The following ROBO2 variants were observed in gnomAD, a reference collection of about 807,000 sequenced individuals.
The protein encoded by ROBO2 is roundabout guidance receptor 2.
A neutral mutation model predicts 160.8 loss-of-function variants in ROBO2; 53 were observed. That is an observed-to-expected ratio of 0.33 (90% CI 0.26 to 0.41). ROBO2 has a LOEUF of 0.41. Among genes scored for constraint, ROBO2 ranks in the 10% least tolerant of loss-of-function variants. The probability of loss-of-function intolerance (pLI) is 1.00; values close to 1 mark genes in which losing one functional copy is unlikely to be tolerated. For synonymous variants in ROBO2, 664 were observed against 611.7 expected (o/e 1.09, Z -1.26); for missense variants, 1,577 against 1,722.4 (o/e 0.92, Z 1.49).
intron 2 of ROBO2, among the ~76,000 whole-genome samples, chr3:76,396,258 C>G (rs1315441859): frequency 2.0e-5 from 3 of 151,974 alleles, no homozygotes; most frequent in Non-Finnish European, 4.4e-5. Context: ...AAAGGCCTCT[C>G]ACAAAATTCA....
At chr3:77,640,677 T>C (rs1251613530) in intron 24 of ROBO2, among the ~76,000 whole-genome samples, 1 of 152,202 alleles carries the variant, frequency 6.6e-6, no homozygotes, top group Non-Finnish European at 1.5e-5. Flanking sequence ...TAAGAGACTT[T>C]ATAGTGAATT....
chr3:76,405,286 G>A (rs571541188), intron 2 of ROBO2, among the ~76,000 whole-genome samples: 9 of 151,690 alleles, frequency 5.9e-5, no homozygotes, highest in Admixed American at 4.0e-4. Context: ...GTTCCAGGAA[G>A]AGTGAAAGAG....
intron 6 of ROBO2, among the ~76,000 whole-genome samples, chr3:77,544,191 T>TTC (rs2092605479): frequency 1.3e-5 from 2 of 152,028 alleles, no homozygotes; most frequent in East Asian, 3.9e-4. Context: ...TTTAAGAGTT[T>TTC]TCTCTAAAAT....
intron 2 of ROBO2, among the ~76,000 whole-genome samples, chr3:76,215,673 T>C (rs952350656): frequency 1.3e-5 from 2 of 152,090 alleles, no homozygotes; most frequent in Non-Finnish European, 2.9e-5. Flanking sequence ...AAAGACCAAA[T>C]CTATGTCTAA....
intron 2 of ROBO2, among the ~76,000 whole-genome samples, chr3:77,460,227 CAG>C (rs1181474967): frequency 2.6e-5 from 4 of 151,930 alleles, no homozygotes; most frequent in Non-Finnish European, 4.4e-5. Flanking sequence ...TCATGGGTGA[CAG>C]AAATGGAGGA....
intron 1 of ROBO2, among the ~76,000 whole-genome samples, chr3:75,930,387 A>G (rs1303631775): frequency 2.0e-5 from 3 of 152,028 alleles, no homozygotes; most frequent in East Asian, 1.9e-4. Flanking sequence ...TCCTCCTCAA[A>G]TGTCGTAGTT....
At chr3:77,603,180 A>C (rs755956538) in intron 20 of ROBO2, 110 of 419,328 alleles carry the variant, frequency 2.6e-4, no homozygotes, top group Non-Finnish European at 4.7e-4. Flanking sequence ...CTGTCAAATG[A>C]CAACAGTTTA....
intron 2 of ROBO2, among the ~76,000 whole-genome samples, chr3:76,892,923 T>C (rs1028030691): frequency 2.0e-5 from 3 of 152,154 alleles, no homozygotes; most frequent in Admixed American, 2.0e-4. Flanking sequence ...TATAAACAAC[T>C]AAGGAAAATT....
At chr3:76,168,413 A>G (rs1201326000) in intron 2 of ROBO2, among the ~76,000 whole-genome samples, 2 of 151,978 alleles carry the variant, frequency 1.3e-5, no homozygotes, top group African/African-American at 4.8e-5. Context: ...TCTTTTGTCA[A>G]TTATGCCTGA....
chr3:76,155,838 C>T lies in ROBO2; in HGVS notation c.109+218236C>T, dbSNP rs115951719. ...ACAAAGATGCATGTAAATGGTATTA[C>T]TGTCACTTAAATGTATCGCAAGGCA... On this transcript the variant is annotated intron_variant, in intron 2 of 26. Transcript: ENST00000487694. Among the ~76,000 whole-genome samples, 206 of 152,270 alleles carry T rather than the reference C, an allele frequency of 1.4e-3. 1 individual carries two copies. Among genetic ancestry groups the T allele is most frequent in the African/African-American group, 4.8e-3 (199 of 41,558 alleles).
intron 2 of ROBO2, among the ~76,000 whole-genome samples, chr3:77,200,500 A>G (rs1261146092): frequency 6.6e-6 from 1 of 151,658 alleles, no homozygotes; most frequent in Admixed American, 6.6e-5. Context: ...CATCAGTCAT[A>G]CAAAAGTTTT....
intron 2 of ROBO2, among the ~76,000 whole-genome samples, chr3:76,654,902 CAT>C (rs1055640797): frequency 7.4e-5 from 9 of 120,912 alleles, no homozygotes; most frequent in Admixed American, 6.8e-4. Flanking sequence ...CATGTGTGTA[CAT>C]ATGTGTGTGT....
At chr3:76,447,909 G>A (rs935076015) in intron 2 of ROBO2, among the ~76,000 whole-genome samples, 4 of 113,250 alleles carry the variant, frequency 3.5e-5, no homozygotes, top group Non-Finnish European at 6.9e-5. Context: ...GGGGGAGGGG[G>A]GAGGGATAGC....
chr3:76,031,178 G>A (rs921767408), intron 2 of ROBO2, among the ~76,000 whole-genome samples: 8 of 151,970 alleles, frequency 5.3e-5, no homozygotes, highest in African/African-American at 1.7e-4. Flanking sequence ...TGTTATTGGT[G>A]TATAGGAGTG....
chr3:76,080,591 G>T (rs2068792582), intron 2 of ROBO2, among the ~76,000 whole-genome samples: 2 of 152,076 alleles, frequency 1.3e-5, no homozygotes, highest in Admixed American at 1.3e-4. Context: ...TGCTTACAAA[G>T]AATTTTTTGA....
intron 2 of ROBO2, among the ~76,000 whole-genome samples, chr3:77,314,190 C>T (rs2063777270): frequency 6.6e-6 from 1 of 152,174 alleles, no homozygotes; most frequent in African/African-American, 2.4e-5. Context: ...AGAAGGCAAT[C>T]TAGCTATGTT....
chr3:76,868,409 C>G lies in ROBO2; in HGVS notation c.110-229605C>G, dbSNP rs114465284. On this transcript the variant is annotated intron_variant, in intron 2 of 26. Coordinates refer to the ROBO2 transcript ENST00000487694. ...AACGAGAATTGACCACAGATTGTCT[C>G]TTTGGGGACAGAGCTCTCACTATCA... is the stretch of plus-strand genomic sequence containing the variant. Among the ~76,000 whole-genome samples, 1,163 of 152,252 alleles carry G rather than the reference C, an allele frequency of 7.6e-3. 17 individuals carry two copies. Among genetic ancestry groups the G allele is most frequent in the South Asian group, 0.018 (85 of 4,824 alleles).
intron 2 of ROBO2, among the ~76,000 whole-genome samples, chr3:76,436,193 CTTTTT>C (rs200738328): frequency 1.3e-5 from 2 of 150,990 alleles, no homozygotes; most frequent in African/African-American, 4.9e-5. Flanking sequence ...ATTTCTTTTT[CTTTTT>C]TTTTATTTTT....
At chr3:76,063,439 G>A (rs2068134077) in intron 2 of ROBO2, among the ~76,000 whole-genome samples, 1 of 150,812 alleles carries the variant, frequency 6.6e-6, no homozygotes, top group Admixed American at 6.6e-5. Context: ...ATTCCCTTTG[G>A]GCTCAAGCAA....
Sources: allele counts gnomAD v4.1 joint callset (sites outside exome capture counted in the v4.1 genomes callset), GRCh38; gene constraint gnomAD v4.1.1; transcripts MANE v1.5; gene names NCBI Gene and HGNC (gene_info 2026-07-23, HGNC 2026-07-21).